Variants in BPHL observed in about 807,000 individuals in gnomAD.
The protein encoded by BPHL is serine hydrolase BPHL.
Under a neutral mutation model 31.2 loss-of-function variants are expected in BPHL, and 27 were observed. The ratio of observed to expected loss-of-function variants is 0.87; its 90% CI spans 0.64 to 1.19. The LOEUF (loss-of-function observed/expected upper bound fraction) is 1.19, where lower values mean the gene tolerates loss of function less well. Among genes scored for constraint, BPHL ranks in the 50% most tolerant of loss-of-function variants. The probability of loss-of-function intolerance (pLI) is 0.00; values close to 1 mark genes in which losing one functional copy is unlikely to be tolerated. For missense variants in BPHL, 356 were observed against 375.7 expected, an observed-to-expected ratio of 0.95 and a Z score of 0.43; for synonymous variants, 150 against 146.8, an observed-to-expected ratio of 1.02 and a Z score of -0.16.
In BPHL at chr6:3,140,288, T is replaced by C; in HGVS notation, c.665-98T>C. 2.7e-6 allele frequency: 4 copies of C among 1,481,240 alleles called. No homozygotes were observed. The highest frequency in any genetic ancestry group is 3.7e-6 in the Non-Finnish European group (4 of 1,087,902). The allele number at this position is 1,481,240 out of a possible 1,614,324, so 91.8% of individuals were successfully genotyped here. Reference sequence around the variant, plus strand: ...ACACAGTTTTTACGGATAGGGAAACTGAGGGCCAAGGAGGGGCAGGGCTCG... The same window carrying C: ...ACACAGTTTTTACGGATAGGGAAACCGAGGGCCAAGGAGGGGCAGGGCTCG... On this transcript the variant is annotated intron_variant, in intron 5 of 6. Coordinates refer to ENST00000380379, the MANE Select transcript of BPHL (RefSeq NM_004332.4). The surrounding 1 kb of genome is among the most constrained non-coding windows in gnomAD (Gnocchi z 5.2).
At position 3,137,368 on chromosome 6, in the gene BPHL, G is replaced by A. The variant is rs764225523; in HGVS notation, c.539G>A (p.Arg180Gln). The change falls in exon 5 of 7, where the codon CGA becomes CAA. Residue 180 changes from arginine (R) to glutamine (Q), a missense_variant. Arg to Gln is a conservative substitution (Grantham distance 43, BLOSUM62 1). Coordinates refer to ENST00000380379, the MANE Select transcript of BPHL (RefSeq NM_004332.4). ...DEDSMIYEGI[R>Q]DVSKWSERTR... Reference sequence around the variant, plus strand: ...CTACACTTCTGTTTTTCAGGCATCCGAGATGTTTCCAAATGGAGTGAGAGA... The same window carrying A: ...CTACACTTCTGTTTTTCAGGCATCCAAGATGTTTCCAAATGGAGTGAGAGA... 3.1e-5 allele frequency: 50 copies of A among 1,611,890 alleles called. No homozygotes were observed. The highest frequency in any genetic ancestry group is 4.0e-5 in the Non-Finnish European group (47 of 1,179,584).
rs1762150279 is a variant in BPHL at position 3,140,639 on chromosome 6, C to A, written c.788+130C>A. On this transcript the variant is annotated intron_variant, in intron 6 of 6. Coordinates refer to ENST00000380379, the MANE Select transcript of BPHL (RefSeq NM_004332.4). The surrounding 1 kb of genome is among the most constrained non-coding windows in gnomAD (Gnocchi z 5.2). ...CAGCCCCCCTTTTGCCAATGCCAGT[C>A]AGTAGCACCGCTTTATTTAGGGTAC... The A allele has an allele frequency of 7.3e-7, 1 of 1,368,538 alleles. No homozygotes were observed. Among genetic ancestry groups the A allele is most frequent in the Admixed American group, 2.0e-5 (1 of 49,136 alleles). 84.8% of individuals were successfully genotyped at this position (1,368,538 alleles called of 1,614,324 possible).
At position 3,124,028 on chromosome 6, in the gene BPHL, CAG is replaced by C; in HGVS notation, c.211+269_211+270del. 1.2e-5 allele frequency: 3 copies of C among 242,066 alleles called. No homozygotes were observed. The South Asian group carries it at 1.6e-4, about 13-fold the overall frequency. The allele number at this position is 242,066 out of a possible 1,614,324, so 15.0% of individuals were successfully genotyped here. ...AGTTGCCCATAATTTGGGAGGGTGA[CAG>C]GGGTCAAGGAAAGGGGTGTGGGAAG... On this transcript the variant is annotated intron_variant, in intron 2 of 6. Coordinates refer to ENST00000380379, the MANE Select transcript of BPHL (RefSeq NM_004332.4).
intron 2 of BPHL, chr6:3,124,257 C>T (rs1581461666): frequency 6.6e-6 from 1 of 151,962 alleles, no homozygotes. Flanking sequence ...GTTAGATTGG[C>T]ATATTACCCT....
intron 5 of BPHL, chr6:3,138,666 T>C (rs2113764820): frequency 6.6e-6 from 1 of 152,338 alleles, no homozygotes; most frequent in Admixed American, 6.5e-5. Flanking sequence ...TCTGTTCAGA[T>C]GCAGCATCCA....
At chr6:3,147,193 G>A (rs1018040206) in intron 6 of BPHL, among the ~76,000 whole-genome samples, 5 of 152,048 alleles carry the variant, frequency 3.3e-5, no homozygotes, top group African/African-American at 1.2e-4. Context: ...CCTAGGAGGT[G>A]GAGGCTGCAG....
intron 1 of BPHL, among the ~76,000 whole-genome samples, 161 bp from the exon 2 acceptor site, chr6:3,123,496 C>T (rs573225836): frequency 3.3e-5 from 5 of 152,140 alleles, no homozygotes; most frequent in Non-Finnish European, 5.9e-5. Context: ...CAGTATCTTC[C>T]TTCTAGCTAT....
At chr6:3,135,222 A>G (rs1321525742) in intron 4 of BPHL, among the ~76,000 whole-genome samples, 1 of 152,234 alleles carries the variant, frequency 6.6e-6, no homozygotes, top group Non-Finnish European at 1.5e-5. Flanking sequence ...GTTAATGGTC[A>G]ACTCAGTTTT....
intron 4 of BPHL, 59 bp downstream of exon 4, chr6:3,129,257 CATCTCTT>C (rs1405819764): frequency 2.0e-6 from 3 of 1,480,390 alleles, no homozygotes; most frequent in Non-Finnish European, 2.7e-6. Context: ...CTCCGCATCT[CATCTCTT>C]ATTGTGGGAT....
At position 3,118,767 on chromosome 6, in the gene BPHL, C is replaced by T. The variant is rs555266791; in HGVS notation, c.27C>T (p.Gly9=). Residue 9 remains glycine, a synonymous_variant, in exon 1 of 7, where the codon GGC becomes GGT. Coordinates refer to ENST00000380379, the MANE Select transcript of BPHL (RefSeq NM_004332.4). The part of the protein sequence containing the change: MVAVLGGR[G]VLRLRLLLSA... ...TGGTGGCTGTGCTGGGCGGCCGGGG[C>T]GTGTTGCGCCTGCGGCTGCTTCTCT... The T allele has an allele frequency of 6.4e-6, 8 of 1,255,258 alleles. No homozygotes were observed. In the African/African-American group the frequency reaches 9.3e-5, roughly 15 times the overall value. 77.8% of individuals were successfully genotyped at this position (1,255,258 alleles called of 1,614,324 possible). A position where few individuals can be genotyped will look rare whatever the true frequency, so the allele number is the denominator to read the frequency against.
At chr6:3,145,307 G>T (rs1316215933) in intron 6 of BPHL, among the ~76,000 whole-genome samples, 1 of 52,882 alleles carries the variant, frequency 1.9e-5, no homozygotes, top group Non-Finnish European at 3.9e-5. Flanking sequence ...GTGCTGGTTC[G>T]GGGTGGAGTG....
chr6:3,126,007 G>A (rs1224309489), intron 2 of BPHL, among the ~76,000 whole-genome samples: 2 of 152,156 alleles, frequency 1.3e-5, no homozygotes, highest in African/African-American at 4.8e-5. Context: ...TGCACAGTAG[G>A]TGTGAACACA....
At chr6:3,136,817 T>G (rs1436730363) in intron 4 of BPHL, among the ~76,000 whole-genome samples, 1 of 152,260 alleles carries the variant, frequency 6.6e-6, no homozygotes, top group East Asian at 1.9e-4. Flanking sequence ...GTGAATCATC[T>G]ATAATACAGT....
rs59036682 is a variant in BPHL, at chr6:3,149,031, G to A, written c.789-3457G>A. 0.052 allele frequency among the ~76,000 whole-genome samples: 7,972 copies of A among 152,230 alleles called. 506 individuals carry two copies. The highest frequency in any genetic ancestry group is 0.14 in the African/African-American group (5,994 of 41,514). On this transcript the variant is annotated intron_variant, in intron 6 of 6. Transcript: ENST00000380379. The surrounding 1 kb of genome is among the most constrained non-coding windows in gnomAD (Gnocchi z 4.6). ...AGCAGACATTTATTAAGCTTACCAC[G>A]TACCCGCAGACCCTATGCTGCATAC...
chr6:3,127,323 G>GCTTTAAAAAA lies in BPHL; in HGVS notation c.295_296insTTAAAAAACT (p.Tyr99PhefsTer20). On this transcript the variant is annotated frameshift_variant, in exon 3 of 7. Coordinates refer to ENST00000380379, the MANE Select transcript of BPHL (RefSeq NM_004332.4). LOFTEE classifies it high-confidence loss of function. The stretch of plus-strand genomic sequence containing the variant: ...ACGGTGGTCGCCTGGGATCCTCGAG[G>GCTTTAAAAAA]CTATGGACATTCCAGGCCCCCAGAT... 1 of 1,518,474 alleles carries GCTTTAAAAAA rather than the reference G, an allele frequency of 6.6e-7. No individual in the cohort carries two copies. Among genetic ancestry groups the GCTTTAAAAAA allele is most frequent in the Non-Finnish European group, 8.9e-7 (1 of 1,127,772 alleles). The allele number at this position is 1,518,474 out of a possible 1,614,324, so 94.1% of individuals were successfully genotyped here.
intron 5 of BPHL, chr6:3,138,103 C>CT (rs1450022904): frequency 1.2e-6 from 1 of 864,376 alleles, no homozygotes; most frequent in African/African-American, 1.8e-5. Flanking sequence ...ACTGCAATCT[C>CT]TGTCTCCTGG....
Position 3,129,066 on chromosome 6 carries a change from T to C in BPHL, c.400T>C (p.Ser134Pro). The change falls in exon 4 of 7, where the codon TCT (serine) becomes CCT (proline). Residue 134 changes from serine to proline, a missense_variant. By Grantham distance (74) the Ser-to-Pro change is moderately conservative. Transcript: ENST00000380379. ...ATAGGCGCTGAAGTTTAAGAAGGTT[T>C]CTCTGCTGGGGTGGAGTGATGGGGG... ...LMKALKFKKV[S>P]LLGWSDGGIT... is the part of the protein sequence containing the mutation. 1 of 1,614,274 alleles carries C rather than the reference T, an allele frequency of 6.2e-7. No homozygotes were observed. Among genetic ancestry groups the C allele is most frequent in the Non-Finnish European group, 8.5e-7 (1 of 1,180,044 alleles).
chr6:3,118,959 G>A, intron 1 of BPHL, 112 bp downstream of exon 1: 1 of 897,954 alleles, frequency 1.1e-6, no homozygotes, highest in Non-Finnish European at 1.5e-6. Context: ...CGGGGCGTGG[G>A]CGCGGCCTGG....
Position 3,137,374 on chromosome 6 carries a change from T to A in BPHL, c.545T>A (p.Val182Asp). The change falls in exon 5 of 7, where the codon GTT becomes GAT. Residue 182 changes from valine (V) to aspartate (D), a missense_variant. Coordinates refer to ENST00000380379, the MANE Select transcript of BPHL (RefSeq NM_004332.4). Reference sequence around the variant, plus strand: ...TTCTGTTTTTCAGGCATCCGAGATGTTTCCAAATGGAGTGAGAGAACAAGA... The same window carrying A: ...TTCTGTTTTTCAGGCATCCGAGATGATTCCAAATGGAGTGAGAGAACAAGA... ...DSMIYEGIRD[V>D]SKWSERTRKP... 1.2e-6 allele frequency: 2 copies of A among 1,611,924 alleles called. No homozygotes were observed. The highest frequency in any genetic ancestry group is 1.7e-6 in the Non-Finnish European group (2 of 1,179,576).
Sources: gnomAD v4.1 joint callset for allele counts (sites outside exome capture counted in the v4.1 genomes callset) on GRCh38, gnomAD v4.1.1 for gene constraint, Gnocchi (gnomAD v3.1) non-coding constraint, MANE v1.5 for transcripts, NCBI Gene and HGNC (gene_info 2026-07-23, HGNC 2026-07-21) for gene names.